SRP68: variants seen among roughly 807,000 people sequenced by gnomAD.
SRP68 encodes signal recognition particle subunit SRP68.
Under a neutral mutation model 82.2 loss-of-function variants are expected in SRP68, and 15 were observed. That is an observed-to-expected ratio of 0.18 (90% confidence interval 0.12 to 0.28). SRP68 has a LOEUF of 0.28. SRP68 is among the 10% of genes least tolerant of loss of function. The pLI, the probability that SRP68 is intolerant of heterozygous loss-of-function variation, is 1.00. For synonymous variants in SRP68, 261 were observed against 292.6 expected (o/e 0.89, Z 1.10); for missense variants, 595 against 780.5 (o/e 0.76, Z 2.83).
intron 3 of SRP68, among the ~76,000 whole-genome samples, chr17:76,066,809 C>T (rs1466884015): frequency 6.6e-6 from 1 of 151,546 alleles, no homozygotes; most frequent in Non-Finnish European, 1.5e-5. Context: ...CTCACTGCAA[C>T]CTCTGCCTCC....
intron 13 of SRP68, 126 bp from the exon 14 acceptor site, chr17:76,041,104 C>G (rs1567924898): frequency 3.2e-6 from 2 of 634,384 alleles, no homozygotes; most frequent in East Asian, 5.7e-5. Context: ...ACGGTTCTCA[C>G]TATTAGAACA....
intron 3 of SRP68, among the ~76,000 whole-genome samples, chr17:76,066,820 C>T (rs1023425282): frequency 3.3e-5 from 5 of 151,738 alleles, no homozygotes; most frequent in South Asian, 2.1e-4. Context: ...CTCTGCCTCC[C>T]GGGTTCAAGT....
chr17:76,063,661 C>T (rs1355451279), intron 4 of SRP68, among the ~76,000 whole-genome samples: 1 of 149,220 alleles, frequency 6.7e-6, no homozygotes, highest in Non-Finnish European at 1.5e-5. Flanking sequence ...GCACTCCAGC[C>T]TGGGCGACAA....
chr17:76,062,729 TTATATATATATATATATA>T (rs200522360), intron 4 of SRP68, among the ~76,000 whole-genome samples: 3 of 14,508 alleles, frequency 2.1e-4, no homozygotes, highest in Admixed American at 1.8e-3. Context: ...TATATTTATT[TTATATATATATATATATA>T]TATATATATA....
At chr17:76,053,814 A>G (rs753047599) in intron 8 of SRP68, among the ~76,000 whole-genome samples, 1 of 152,204 alleles carries the variant, frequency 6.6e-6, no homozygotes, top group Non-Finnish European at 1.5e-5. Flanking sequence ...TTTGCTATTT[A>G]CACTTTTATT....
chr17:76,041,117 ACAAAACAAAG>A, intron 13 of SRP68, 139 bp from the exon 14 acceptor site: 2 of 586,334 alleles, frequency 3.4e-6, no homozygotes, highest in East Asian at 5.9e-5. Flanking sequence ...TTAGAACAAA[ACAAAACAAAG>A]CAAAACACTA....
intron 2 of SRP68, among the ~76,000 whole-genome samples, chr17:76,068,404 C>T (rs553374119): frequency 1.6e-4 from 24 of 148,170 alleles, no homozygotes; most frequent in Non-Finnish European, 2.8e-4. Flanking sequence ...TGCAGTGAGC[C>T]GAGAACACGC....
In SRP68 at chr17:76,072,167, G is replaced by A; in HGVS notation, c.184+141C>T. 6.8e-7 allele frequency: 1 copy of A among 1,479,490 alleles called. No homozygotes were observed. Among genetic ancestry groups the A allele is most frequent in the East Asian group, 2.4e-5 (1 of 41,162 alleles). 91.6% of individuals were successfully genotyped at this position (1,479,490 alleles called of 1,614,324 possible). ...AGACAGACCCCCCCCGGAATTCTGA[G>A]CACCAAAAGGTAAGGGCGAGAGAAA... On this transcript the variant is annotated intron_variant, in intron 1 of 15. Coordinates refer to ENST00000307877, the MANE Select transcript of SRP68 (RefSeq NM_014230.4). The surrounding 1 kb of genome is among the most constrained non-coding windows in gnomAD (Gnocchi z 4.5).
intron 4 of SRP68, among the ~76,000 whole-genome samples, chr17:76,062,174 C>T (rs2066757164): frequency 6.6e-6 from 1 of 151,616 alleles, no homozygotes; most frequent in Non-Finnish European, 1.5e-5. Flanking sequence ...GTAATCCCAG[C>T]TACTCGGGAG....
chr17:76,044,096 A>T lies in SRP68; in HGVS notation c.1395-138T>A, dbSNP rs562216960. On this transcript the variant is annotated intron_variant, in intron 12 of 15. Transcript: ENST00000307877. Reference sequence around the variant, plus strand: ...GGATCACCGCATGGGAGCCCCCTTCATGGGAAGTGTTCAGATTTGTAGGCT... The same window carrying T: ...GGATCACCGCATGGGAGCCCCCTTCTTGGGAAGTGTTCAGATTTGTAGGCT... The T allele has an allele frequency of 1.8e-4, 173 of 942,406 alleles. 1 individual carries two copies. Among genetic ancestry groups the T allele is most frequent in the South Asian group, 1.7e-3 (98 of 58,706 alleles). The allele number at this position is 942,406 out of a possible 1,614,324, so 58.4% of individuals were successfully genotyped here. A position where few individuals can be genotyped will look rare whatever the true frequency, so the allele number is the denominator to read the frequency against.
At chr17:76,058,887 T>C (rs1344073950) in intron 7 of SRP68, among the ~76,000 whole-genome samples, 1 of 152,168 alleles carries the variant, frequency 6.6e-6, no homozygotes, top group Non-Finnish European at 1.5e-5. Flanking sequence ...AATGAATGGT[T>C]AAATAAAACA....
intron 8 of SRP68, chr17:76,053,324 G>C (rs184447572): frequency 3.8e-6 from 1 of 266,070 alleles, no homozygotes; most frequent in East Asian, 1.8e-4. Flanking sequence ...TCAGCAGAAA[G>C]GAAGAGCTAC....
rs182146859 is a variant in SRP68, at chr17:76,066,859, C to T, written c.365+358G>A. ...TCTTGTGCCTCAGCCTCCTGAGTAG[C>T]TGGGATTACAGGCGCCTGCCACCAT... On this transcript the variant is annotated intron_variant, in intron 3 of 15. Coordinates refer to ENST00000307877, the MANE Select transcript of SRP68 (RefSeq NM_014230.4). Among the ~76,000 whole-genome samples the T allele has an allele frequency of 4.8e-3, 731 of 152,008 alleles. 8 individuals carry two copies. Among genetic ancestry groups the T allele is most frequent in the African/African-American group, 0.017 (688 of 41,436 alleles).
intron 7 of SRP68, 120 bp downstream of exon 7, chr17:76,060,188 T>G (rs1050816300): frequency 6.3e-5 from 24 of 383,572 alleles, no homozygotes; most frequent in Non-Finnish European, 8.6e-5. Context: ...CAAATGTAGA[T>G]ATTTGCTAAT....
rs191023998 is a variant in SRP68, at chr17:76,066,990, C to T, written c.365+227G>A. ...TGATCCACCCACCTTGGCCTCCCAACGTGCTGGGATTATAGGCGTGAACCA... is the reference window on the plus strand; with the variant it reads ...TGATCCACCCACCTTGGCCTCCCAATGTGCTGGGATTATAGGCGTGAACCA... On this transcript the variant is annotated intron_variant, in intron 3 of 15. Coordinates refer to ENST00000307877, the MANE Select transcript of SRP68 (RefSeq NM_014230.4). 4.9e-3 allele frequency among the ~76,000 whole-genome samples: 742 copies of T among 152,134 alleles called. 3 individuals are homozygous for T. Among genetic ancestry groups the T allele is most frequent in the Middle Eastern group, 0.024 (7 of 294 alleles).
intron 7 of SRP68, among the ~76,000 whole-genome samples, chr17:76,059,805 A>AC (rs1414477656): frequency 1.3e-5 from 2 of 150,530 alleles, no homozygotes; most frequent in African/African-American, 2.4e-5. Context: ...AAAAAAAAAA[A>AC]AAAGAATACT....
intron 8 of SRP68, 44 bp from the exon 9 acceptor site, chr17:76,050,570 A>G: frequency 1.3e-6 from 2 of 1,489,990 alleles, no homozygotes; most frequent in Non-Finnish European, 1.9e-6. Flanking sequence ...CTTTGAGCAA[A>G]CCATAGTCAC....
Position 76,064,191 on chromosome 17 carries a change from G to A in SRP68, c.366-20C>T. Reference sequence around the variant, plus strand: ...AAGTATCTAGACCAGAGACAGAAGTGGGGAGACAATAAAGGCCATCAACAG... The same window carrying A: ...AAGTATCTAGACCAGAGACAGAAGTAGGGAGACAATAAAGGCCATCAACAG... On this transcript the variant is annotated intron_variant, in intron 3 of 15. Transcript: ENST00000307877. The A allele has an allele frequency of 6.2e-6, 10 of 1,609,606 alleles. No individual in the cohort carries two copies. The highest frequency in any genetic ancestry group is 8.5e-6 in the Non-Finnish European group (10 of 1,177,196).
chr17:76,072,440 C>T lies in SRP68; in HGVS notation c.52G>A (p.Gly18Ser), dbSNP rs770836109. ...PGGGGGGGSGGGGGSGGGGSG... is the reference protein window; with the variant it reads ...PGGGGGGGSGSGGGSGGGGSG... ...CCGCCGCCGCCACTGCCACCGCCGC[C>T]GCCACTGCCGCCGCCGCCGCCGCCG... is the stretch of plus-strand genomic sequence containing the variant. Residue 18 changes from glycine (G) to serine (S), a missense_variant, in exon 1 of 16, where the codon GGC becomes AGC. Gly to Ser is a moderately conservative substitution (Grantham distance 56). Around this residue, in one of 2 missense-constraint regions of SRP68, gnomAD observed 100 missense variants for 91.9 expected, o/e 1.09. Coordinates refer to ENST00000307877, the MANE Select transcript of SRP68 (RefSeq NM_014230.4). This position sits in a 1 kb window ranked among gnomAD's most constrained non-coding sequence, Gnocchi z 4.5. 2 of 1,582,166 alleles carry T rather than the reference C, an allele frequency of 1.3e-6. No individual in the cohort carries two copies. Among genetic ancestry groups the T allele is most frequent in the Admixed American group, 1.7e-5 (1 of 59,134 alleles).
Sources: gnomAD v4.1 joint callset for allele counts (sites outside exome capture counted in the v4.1 genomes callset) on GRCh38, gnomAD v4.1.1 for gene constraint, gnomAD v4.1.1 regional missense constraint, Gnocchi (gnomAD v3.1) non-coding constraint, MANE v1.5 for transcripts, NCBI Gene and HGNC (gene_info 2026-07-23, HGNC 2026-07-21) for gene names.